EFNA5: variants seen among roughly 807,000 people sequenced by gnomAD.
EFNA5 encodes ephrin A5, also known as ephrin-A5.
In EFNA5, 5 loss-of-function variants were observed where a neutral mutation model predicts 22.9. That is an observed-to-expected ratio of 0.22 (90% CI 0.11 to 0.46). The LOEUF is 0.46. Ranked by LOEUF, EFNA5 falls within the 20% of genes least tolerant of loss-of-function variation. The pLI is 0.99. For missense variants in EFNA5, 237 were observed against 293.3 expected (o/e 0.81, Z 1.40); for synonymous variants, 113 against 112.2 (o/e 1.01, Z -0.04).
At chr5:107,464,012 T>C (rs1331073137) in intron 1 of EFNA5, among the ~76,000 whole-genome samples, 1 of 152,102 alleles carries the variant, frequency 6.6e-6, no homozygotes, top group Non-Finnish European at 1.5e-5. Context: ...ATTAAGAAAA[T>C]AATTTCAAAG....
In EFNA5 at chr5:107,443,154, G is replaced by A. The variant is rs1749302913; in HGVS notation, c.126-15645C>T. Among the ~76,000 whole-genome samples, 2 of 152,176 alleles carry A rather than the reference G, an allele frequency of 1.3e-5. 1 individual carries two copies. The highest frequency in any genetic ancestry group is 4.1e-4 in the South Asian group (2 of 4,834). ...TATTAAATCGACCAGCAACACAAAT[G>A]ATTAGGATGCTGTGCTGGGCAGGAG... On this transcript the variant is annotated intron_variant, in intron 1 of 4. Coordinates refer to ENST00000333274, the MANE Select transcript of EFNA5 (RefSeq NM_001962.3).
chr5:107,621,697 AATGAGCATTAAACTAGAAAAC>A (rs1249953126), intron 1 of EFNA5, among the ~76,000 whole-genome samples: 2 of 152,236 alleles, frequency 1.3e-5, no homozygotes, highest in African/African-American at 4.8e-5. Context: ...ATGAGGATTA[AATGAGCATTAAACTAGAAAAC>A]ATGTAATTAT....
intron 1 of EFNA5, among the ~76,000 whole-genome samples, chr5:107,594,057 T>C (rs1749427144): frequency 6.6e-6 from 1 of 152,248 alleles, no homozygotes; most frequent in African/African-American, 2.4e-5. Flanking sequence ...TGACTGGCTC[T>C]TCAAATAATT....
At chr5:107,608,811 C>G (rs2112518831) in intron 1 of EFNA5, among the ~76,000 whole-genome samples, 1 of 152,296 alleles carries the variant, frequency 6.6e-6, no homozygotes, top group African/African-American at 2.4e-5. Flanking sequence ...AGGCTGGTCC[C>G]AACGCTCGGT....
chr5:107,441,181 G>A (rs1264193813), intron 1 of EFNA5, among the ~76,000 whole-genome samples: 1 of 151,980 alleles, frequency 6.6e-6, no homozygotes, highest in African/African-American at 2.4e-5. Context: ...ACCAACTCAA[G>A]GATGTTTTTA....
At chr5:107,607,563 T>C (rs1749749741) in intron 1 of EFNA5, among the ~76,000 whole-genome samples, 1 of 152,220 alleles carries the variant, frequency 6.6e-6, no homozygotes, top group South Asian at 2.1e-4. Context: ...TTTAAAAATA[T>C]TTTGCTACTG....
intron 1 of EFNA5, among the ~76,000 whole-genome samples, chr5:107,585,482 T>G (rs989427333): frequency 6.6e-6 from 1 of 152,174 alleles, no homozygotes; most frequent in African/African-American, 2.4e-5. Flanking sequence ...TCAGTGACAG[T>G]ACTGATAAAT....
rs555469123 is a variant in EFNA5, at chr5:107,414,168, C to A, written c.418+13049G>T. ...TGCAACCTCATAAAGTTGAACGAAT[C>A]AAACTTTATGGAAGTGGGTTCCAAG... is the stretch of plus-strand genomic sequence containing the variant. On this transcript the variant is annotated intron_variant, in intron 2 of 4. Transcript: ENST00000333274. 5.3e-5 allele frequency among the ~76,000 whole-genome samples: 8 copies of A among 152,240 alleles called. No individual in the cohort carries two copies. In the East Asian group the frequency reaches 1.2e-3, roughly 22 times the overall value.
intron 2 of EFNA5, among the ~76,000 whole-genome samples, chr5:107,399,821 T>C (rs1368089528): frequency 6.6e-6 from 1 of 152,212 alleles, no homozygotes; most frequent in Non-Finnish European, 1.5e-5. Flanking sequence ...TTCTTGTGTA[T>C]TAAAAAATGC....
chr5:107,651,686 C>T (rs1234488572), intron 1 of EFNA5, among the ~76,000 whole-genome samples: 6 of 140,786 alleles, frequency 4.3e-5, no homozygotes, highest in African/African-American at 1.3e-4. Flanking sequence ...AAAAAAAAAG[C>T]TTTGAAAACA....
chr5:107,427,647 G>A, intron 1 of EFNA5, 138 bp from the exon 2 acceptor site: 1 of 726,476 alleles, frequency 1.4e-6, no homozygotes, highest in Non-Finnish European at 2.0e-6. Flanking sequence ...ATTATGATTT[G>A]GGGCATGGTT....
chr5:107,569,559 TTATATA>T lies in EFNA5; in HGVS notation c.125+100924_125+100929del, dbSNP rs70996962. ...TATATATATGTGTGTATATATATAT[TTATATA>T]TATATATATATATATATATATATAT... is the stretch of plus-strand genomic sequence containing the variant. On this transcript the variant is annotated intron_variant, in intron 1 of 4. Coordinates refer to ENST00000333274, the MANE Select transcript of EFNA5 (RefSeq NM_001962.3). Among the ~76,000 whole-genome samples, 57 of 42,490 alleles carry T rather than the reference TTATATA, an allele frequency of 1.3e-3. No individual in the cohort carries two copies. In the South Asian group the frequency reaches 0.014, roughly 10 times the overall value. The allele number at this position is 42,490 out of a possible 152,430, so 27.9% of individuals were successfully genotyped here.
In EFNA5 at chr5:107,495,234, G is replaced by A. The variant is rs192669929; in HGVS notation, c.126-67725C>T. 1.9e-3 allele frequency among the ~76,000 whole-genome samples: 291 copies of A among 152,154 alleles called. 1 individual carries two copies. The highest frequency in any genetic ancestry group is 6.8e-3 in the Middle Eastern group (2 of 294). On this transcript the variant is annotated intron_variant, in intron 1 of 4. Coordinates refer to ENST00000333274, the MANE Select transcript of EFNA5 (RefSeq NM_001962.3). ...TATAACACTCACCATGAAGATCTGC[G>A]GCTCCACTCCTGAAGTCAGCGGGAC...
At chr5:107,668,242 T>C (rs1027472074) in intron 1 of EFNA5, among the ~76,000 whole-genome samples, 1 of 152,184 alleles carries the variant, frequency 6.6e-6, no homozygotes, top group Non-Finnish European at 1.5e-5. Flanking sequence ...AGAATACCGA[T>C]TTAGAAATAC....
chr5:107,623,391 C>T (rs901018906), intron 1 of EFNA5, among the ~76,000 whole-genome samples: 2 of 152,122 alleles, frequency 1.3e-5, no homozygotes, highest in African/African-American at 4.8e-5. Flanking sequence ...GCACCAAATC[C>T]TTACCTATTT....
intron 1 of EFNA5, among the ~76,000 whole-genome samples, chr5:107,476,620 C>A (rs1209533044): frequency 6.6e-6 from 1 of 152,070 alleles, no homozygotes; most frequent in Non-Finnish European, 1.5e-5. Flanking sequence ...CATTAGCTTT[C>A]TATGAAGTCC....
chr5:107,444,425 T>G lies in EFNA5; in HGVS notation c.126-16916A>C, dbSNP rs183952700. On this transcript the variant is annotated intron_variant, in intron 1 of 4. Transcript: ENST00000333274. ...AAAATTTGTACAGATTTTTACATGC[T>G]CTTGCATCTATAGCCTATTTAAAAG... Among the ~76,000 whole-genome samples the G allele has an allele frequency of 1.1e-3, 173 of 152,352 alleles. 1 individual carries two copies. The highest frequency in any genetic ancestry group is 3.3e-3 in the African/African-American group (137 of 41,586).
chr5:107,503,755 T>G (rs1166274084), intron 1 of EFNA5, among the ~76,000 whole-genome samples: 1 of 152,198 alleles, frequency 6.6e-6, no homozygotes, highest in East Asian at 1.9e-4. Context: ...AATTATTATC[T>G]TCATAACCAT....
chr5:107,440,181 A>C (rs1749218511), intron 1 of EFNA5, among the ~76,000 whole-genome samples: 1 of 152,186 alleles, frequency 6.6e-6, no homozygotes, highest in African/African-American at 2.4e-5. Context: ...ATGAGAAACT[A>C]ATTGCTCTAT....
Sources: allele counts gnomAD v4.1 joint callset (sites outside exome capture counted in the v4.1 genomes callset), GRCh38; gene constraint gnomAD v4.1.1; transcripts MANE v1.5; gene names NCBI Gene and HGNC (gene_info 2026-07-23, HGNC 2026-07-21).